Variants in NPAS3 observed in about 807,000 individuals in gnomAD.
NPAS3 encodes the protein neuronal PAS domain protein 3.
NPAS3 carries 14 observed loss-of-function variants against 73.1 expected under a neutral mutation model. The ratio of observed to expected loss-of-function variants is 0.19; its 90% CI spans 0.13 to 0.30. The LOEUF (loss-of-function observed/expected upper bound fraction) is 0.30. Ranked by LOEUF, NPAS3 falls within the 10% of genes least tolerant of loss-of-function variation. The pLI, the probability that NPAS3 is intolerant of heterozygous loss-of-function variation, is 1.00. For missense variants in NPAS3, 1,096 were observed against 1,250.0 expected (o/e 0.88, Z 1.86); for synonymous variants, 620 against 541.5 (o/e 1.14, Z -2.01).
intron 3 of NPAS3, among the ~76,000 whole-genome samples, chr14:33,334,922 T>C (rs2140289949): frequency 6.6e-6 from 1 of 152,296 alleles, no homozygotes; most frequent in Non-Finnish European, 1.5e-5. Context: ...ATGTGATGTT[T>C]GGTTTTCCAT....
chr14:33,200,042 G>A (rs375400952), intron 2 of NPAS3, among the ~76,000 whole-genome samples: 4 of 151,898 alleles, frequency 2.6e-5, no homozygotes, highest in East Asian at 3.9e-4. Flanking sequence ...TTGTTAAAGG[G>A]CTATTTTAAT....
At chr14:33,182,719 C>T (rs115420058) in intron 2 of NPAS3, among the ~76,000 whole-genome samples, 73 of 152,186 alleles carry the variant, frequency 4.8e-4, no homozygotes, top group African/African-American at 1.7e-3. Context: ...TCTGCCCAGC[C>T]GGTCCTTCAT....
At chr14:33,373,947 A>G (rs147170105) in intron 4 of NPAS3, among the ~76,000 whole-genome samples, 126 of 152,252 alleles carry the variant, frequency 8.3e-4, no homozygotes, top group African/African-American at 2.9e-3. Context: ...CTTCCTCAAC[A>G]TAAGTGGGGG....
chr14:33,235,805 CTTT>C (rs35968798), intron 3 of NPAS3, among the ~76,000 whole-genome samples: 4 of 80,630 alleles, frequency 5.0e-5, no homozygotes, highest in Non-Finnish European at 6.5e-5. Context: ...TGATACAATT[CTTT>C]TTTTTTTTTT....
At chr14:33,568,898 A>C (rs1042320898) in intron 5 of NPAS3, among the ~76,000 whole-genome samples, 1 of 152,212 alleles carries the variant, frequency 6.6e-6, no homozygotes, top group African/African-American at 2.4e-5. Context: ...TTGGAATGAC[A>C]GTCCAAAGAT....
chr14:33,463,131 G>A (rs1951383), intron 4 of NPAS3, among the ~76,000 whole-genome samples: 93,552 of 152,038 alleles, frequency 0.62, 32,622 homozygotes, highest in Non-Finnish European at 0.78. Flanking sequence ...CTTAGCCCCT[G>A]TAAGCCAGCT....
chr14:33,426,461 G>A (rs2048558490), intron 4 of NPAS3, among the ~76,000 whole-genome samples: 1 of 152,070 alleles, frequency 6.6e-6, no homozygotes, highest in African/African-American at 2.4e-5. Flanking sequence ...GTAAACCTGA[G>A]TTCGGAGTGG....
intron 7 of NPAS3, among the ~76,000 whole-genome samples, chr14:33,765,646 C>T (rs1337417340): frequency 6.6e-6 from 1 of 152,228 alleles, no homozygotes. Flanking sequence ...TTATGTTCTA[C>T]AGAGTAGGAT....
At chr14:33,038,903 C>T (rs1160397853) in intron 1 of NPAS3, among the ~76,000 whole-genome samples, 3 of 152,118 alleles carry the variant, frequency 2.0e-5, no homozygotes, top group South Asian at 2.1e-4. Flanking sequence ...TATCTTAGGA[C>T]AGCTTGAACC....
In NPAS3 at chr14:33,297,583, G is replaced by A. The variant is rs943195831; in HGVS notation, c.386-69603G>A. Among the ~76,000 whole-genome samples, 58 of 152,130 alleles carry A rather than the reference G, an allele frequency of 3.8e-4. 1 individual carries two copies. The highest frequency in any genetic ancestry group is 1.5e-5 in the Non-Finnish European group (1 of 68,032). ...GCCATATTTGGTAAATTGATTGCTA[G>A]TATAGGCAAATATAAAATAAAAAAT... On this transcript the variant is annotated intron_variant, in intron 3 of 11. Transcript: ENST00000356141.
chr14:32,939,235 G>T, upstream of NPAS3: 1 of 406,568 alleles, frequency 2.5e-6, no homozygotes, highest in Admixed American at 2.9e-5. Flanking sequence ...CCACGCACAC[G>T]CACACCCCCG....
chr14:33,186,688 T>C (rs971921552), intron 2 of NPAS3, among the ~76,000 whole-genome samples: 4 of 152,348 alleles, frequency 2.6e-5, no homozygotes, highest in African/African-American at 9.6e-5. Flanking sequence ...GCTGTATCCT[T>C]GCTACTGTTC....
chr14:33,741,819 G>A (rs537102396), intron 7 of NPAS3, among the ~76,000 whole-genome samples: 36 of 152,254 alleles, frequency 2.4e-4, no homozygotes, highest in Non-Finnish European at 5.0e-4. Flanking sequence ...AGAGATTTCA[G>A]GAAGCAGGTA....
intron 3 of NPAS3, among the ~76,000 whole-genome samples, chr14:33,258,773 T>C (rs181142906): frequency 1.3e-5 from 2 of 152,190 alleles, no homozygotes; most frequent in South Asian, 4.1e-4. Context: ...CTTATTTGAA[T>C]GGAGGAAAAT....
rs140378274 is a variant in NPAS3 at position 33,228,539 on chromosome 14, T to C, written c.385+13113T>C. Among the ~76,000 whole-genome samples the C allele has an allele frequency of 4.4e-3, 672 of 152,328 alleles. 4 individuals are homozygous for C. The highest frequency in any genetic ancestry group is 5.8e-3 in the Admixed American group (89 of 15,308). On this transcript the variant is annotated intron_variant, in intron 3 of 11. Coordinates refer to ENST00000356141, the Ensembl canonical transcript of NPAS3. ...TATAATCTTATAGTAGGTTTTAAGA[T>C]ATCAATTTTTTGTTGTCATCAGGGA...
chr14:33,563,537 C>CACACACACACACACACAGAGAGAGAGAG, intron 5 of NPAS3, among the ~76,000 whole-genome samples: 50 of 119,690 alleles, frequency 4.2e-4, no homozygotes, highest in Middle Eastern at 4.4e-3. Flanking sequence ...CACACACACA[C>CACACACACACACACACAGAGAGAGAGAG]AGAGAGAGAG....
intron 3 of NPAS3, among the ~76,000 whole-genome samples, chr14:33,339,662 G>T (rs17100682): frequency 0.039 from 5,900 of 152,236 alleles, 167 homozygotes; most frequent in East Asian, 0.13. Context: ...GAGACAGGCT[G>T]ATTTTAGTCC....
chr14:33,375,330 C>A (rs2046266976), intron 4 of NPAS3, among the ~76,000 whole-genome samples: 1 of 152,158 alleles, frequency 6.6e-6, no homozygotes, highest in African/African-American at 2.4e-5. Flanking sequence ...AGGGATTTTT[C>A]ATTACAAACT....
intron 6 of NPAS3, among the ~76,000 whole-genome samples, chr14:33,706,757 G>C (rs1412549757): frequency 6.6e-6 from 1 of 152,174 alleles, no homozygotes; most frequent in East Asian, 1.9e-4. Flanking sequence ...ATGGACTTGA[G>C]GGCTCAGAGA....
Sources: allele counts gnomAD v4.1 joint callset (sites outside exome capture counted in the v4.1 genomes callset), GRCh38; gene constraint gnomAD v4.1.1; transcripts MANE v1.5; gene names NCBI Gene and HGNC (gene_info 2026-07-23, HGNC 2026-07-21).